The following PHLPP1 variants were observed in gnomAD, a reference collection of about 807,000 sequenced individuals.
The protein encoded by PHLPP1 is PH domain leucine-rich repeat-containing protein phosphatase 1.
In PHLPP1, 42 loss-of-function variants were observed where a neutral mutation model predicts 117.2. That is an observed-to-expected ratio of 0.36 (90% confidence interval 0.28 to 0.46). PHLPP1 has a LOEUF of 0.46. Ranked by LOEUF, PHLPP1 falls within the 20% of genes least tolerant of loss-of-function variation. PHLPP1 has a pLI of 1.00. For synonymous variants in PHLPP1, 1,042 were observed against 970.7 expected (o/e 1.07, Z -1.37); for missense variants, 2,084 against 2,241.9 (o/e 0.93, Z 1.42).
chr18:62,721,071 C>A lies in PHLPP1; in HGVS notation c.1576+3812C>A, dbSNP rs190262278. 2.6e-5 allele frequency among the ~76,000 whole-genome samples: 4 copies of A among 152,052 alleles called. No individual in the cohort carries two copies. The East Asian group carries it at 7.7e-4, about 29-fold the overall frequency. ...AATTAAATTTACACTTGAATTTTTCCCTTGGTTAAAAGCATTCCAAAAATA... is the reference window on the plus strand; with the variant it reads ...AATTAAATTTACACTTGAATTTTTCACTTGGTTAAAAGCATTCCAAAAATA... On this transcript the variant is annotated intron_variant, in intron 1 of 16. Transcript: ENST00000262719.
chr18:62,894,191 C>T (rs539782639), intron 4 of PHLPP1, among the ~76,000 whole-genome samples: 4 of 152,222 alleles, frequency 2.6e-5, no homozygotes, highest in South Asian at 2.1e-4. Flanking sequence ...TTGAGATCGA[C>T]GAATGATAAT....
chr18:62,751,992 C>T (rs1911869746), intron 1 of PHLPP1, among the ~76,000 whole-genome samples: 1 of 152,116 alleles, frequency 6.6e-6, no homozygotes, highest in Non-Finnish European at 1.5e-5. Context: ...GGGTAGGGGG[C>T]ATTGGAATGG....
At chr18:62,945,890 G>T (rs976729605) in intron 12 of PHLPP1, among the ~76,000 whole-genome samples, 1 of 152,214 alleles carries the variant, frequency 6.6e-6, no homozygotes, top group African/African-American at 2.4e-5. Flanking sequence ...GAGGTAGTCT[G>T]CAAATCCTGA....
chr18:62,725,036 A>G (rs1911027365), intron 1 of PHLPP1, among the ~76,000 whole-genome samples: 1 of 152,234 alleles, frequency 6.6e-6, no homozygotes, highest in South Asian at 2.1e-4. Context: ...AAATTTAAGC[A>G]TGAATTTTGA....
intron 6 of PHLPP1, among the ~76,000 whole-genome samples, chr18:62,900,349 A>G (rs1916681578): frequency 6.8e-6 from 1 of 147,060 alleles, no homozygotes. Context: ...ATAAATAAAT[A>G]AAAAGTTTGT....
At chr18:62,836,679 T>G (rs1438952462) in intron 2 of PHLPP1, among the ~76,000 whole-genome samples, 1 of 151,738 alleles carries the variant, frequency 6.6e-6, no homozygotes, top group African/African-American at 2.4e-5. Context: ...ATTGATCTAT[T>G]TTTTGAAACT....
At chr18:62,791,375 C>G (rs994609560) in intron 1 of PHLPP1, among the ~76,000 whole-genome samples, 7 of 152,080 alleles carry the variant, frequency 4.6e-5, no homozygotes. Context: ...AATTTCCATT[C>G]TACTCCATAA....
Position 62,978,889 on chromosome 18 carries a change from A to G in PHLPP1, c.4612A>G (p.Ser1538Gly). The G allele has an allele frequency of 1.2e-6, 2 of 1,607,252 alleles. No homozygotes were observed. The highest frequency in any genetic ancestry group is 1.7e-6 in the Non-Finnish European group (2 of 1,176,940). The change falls in exon 17 of 17, where the codon AGC becomes GGC. Residue 1538 changes from serine to glycine, a missense_variant. Ser to Gly is a moderately conservative substitution (Grantham distance 56). This residue lies in a region of PHLPP1 where 1,365 missense variants were observed against 1,605.9 expected (regional missense o/e 0.85). Coordinates refer to ENST00000262719, the MANE Select transcript of PHLPP1 (RefSeq NM_194449.4). The surrounding 1 kb of genome is among the most constrained non-coding windows in gnomAD (Gnocchi z 7.0). ...QRQLSSATFS[S>G]AFSDNGLDSD... Reference sequence around the variant, plus strand: ...CCAGCTATCCAGCGCCACGTTCTCTAGCGCCTTCTCCGACAACGGCCTTGA... The same window carrying G: ...CCAGCTATCCAGCGCCACGTTCTCTGGCGCCTTCTCCGACAACGGCCTTGA...
intron 1 of PHLPP1, among the ~76,000 whole-genome samples, chr18:62,807,071 T>C (rs960440677): frequency 6.6e-6 from 1 of 152,170 alleles, no homozygotes; most frequent in African/African-American, 2.4e-5. Context: ...AAGGTATTAA[T>C]TGGATTTTTT....
At chr18:62,951,272 C>T (rs892062732) in intron 12 of PHLPP1, among the ~76,000 whole-genome samples, 15 of 151,562 alleles carry the variant, frequency 9.9e-5, no homozygotes, top group Admixed American at 2.6e-4. Context: ...TGAGCCACCG[C>T]GCCTGGCCAA....
chr18:62,761,597 C>A (rs558840434), intron 1 of PHLPP1, among the ~76,000 whole-genome samples: 151 of 150,870 alleles, frequency 1.0e-3, no homozygotes, highest in Middle Eastern at 6.8e-3. Context: ...CGCGCCACTG[C>A]GCTCCAGCCT....
intron 4 of PHLPP1, among the ~76,000 whole-genome samples, chr18:62,874,645 GCACGCACGCGCGCA>G (rs1915993206): frequency 8.5e-6 from 1 of 117,708 alleles, no homozygotes; most frequent in South Asian, 2.8e-4. Context: ...CACAGGGCGC[GCACGCACGCGCGCA>G]CACACACACA....
At chr18:62,834,604 C>T (rs1046506489) in intron 2 of PHLPP1, among the ~76,000 whole-genome samples, 13 of 152,116 alleles carry the variant, frequency 8.5e-5, no homozygotes, top group Non-Finnish European at 1.9e-4. Context: ...TTTTCAGGGT[C>T]GATGTACCAT....
intron 4 of PHLPP1, among the ~76,000 whole-genome samples, chr18:62,866,255 T>TG (rs1915769102): frequency 6.6e-6 from 1 of 151,910 alleles, no homozygotes; most frequent in African/African-American, 2.4e-5. Context: ...TTTTGTTTTT[T>TG]TTTTTTTGGA....
rs568386796 is a variant in PHLPP1, at chr18:62,962,284, T to TTTATG, written c.3456-1067_3456-1063dup. Among the ~76,000 whole-genome samples the TTTATG allele has an allele frequency of 1.9e-3, 285 of 152,152 alleles. 2 individuals carry two copies. Among genetic ancestry groups the TTTATG allele is most frequent in the East Asian group, 0.015 (80 of 5,180 alleles). On this transcript the variant is annotated intron_variant, in intron 13 of 16. Coordinates refer to ENST00000262719, the MANE Select transcript of PHLPP1 (RefSeq NM_194449.4). ...TTTATTTTATTTTATTTTATGTTCT[T>TTTATG]TTATGTTATGTTATGTTATGTGTTA...
intron 1 of PHLPP1, among the ~76,000 whole-genome samples, chr18:62,747,882 A>G (rs1911725114): frequency 1.3e-5 from 2 of 152,168 alleles, no homozygotes; most frequent in Admixed American, 6.5e-5. Flanking sequence ...CAAATACATC[A>G]GAATTTGTAA....
chr18:62,766,156 T>A (rs1247265582), intron 1 of PHLPP1, among the ~76,000 whole-genome samples: 1 of 133,918 alleles, frequency 7.5e-6, no homozygotes, highest in Non-Finnish European at 1.6e-5. Context: ...TAATGTAAGA[T>A]GAATAGGATT....
At chr18:62,723,393 C>T (rs535996333) in intron 1 of PHLPP1, among the ~76,000 whole-genome samples, 1 of 146,048 alleles carries the variant, frequency 6.8e-6, no homozygotes, top group Non-Finnish European at 1.5e-5. Flanking sequence ...TGGTTTTGGA[C>T]CATTTCAATA....
intron 9 of PHLPP1, among the ~76,000 whole-genome samples, chr18:62,916,514 G>A (rs542188706): frequency 6.6e-6 from 1 of 151,314 alleles, no homozygotes; most frequent in Admixed American, 6.6e-5. Flanking sequence ...CTGTAAATAC[G>A]ATCCATTTGA....
Sources: allele counts gnomAD v4.1 joint callset (sites outside exome capture counted in the v4.1 genomes callset), GRCh38; gene constraint gnomAD v4.1.1; regional missense constraint gnomAD v4.1.1; non-coding constraint Gnocchi (gnomAD v3.1); transcripts MANE v1.5; gene names NCBI Gene and HGNC (gene_info 2026-07-23, HGNC 2026-07-21).